Variants in FBXO34 observed in about 807,000 individuals in gnomAD.
The protein encoded by FBXO34 is F-box protein 34.
In FBXO34, 12 loss-of-function variants were observed where a neutral mutation model predicts 24.5. The ratio of observed to expected loss-of-function variants is 0.49; its 90% CI spans 0.31 to 0.79. FBXO34 has a LOEUF of 0.79. Among genes scored for constraint, FBXO34 ranks in the 30% least tolerant of loss-of-function variants. The pLI is 0.04. For missense variants in FBXO34, 823 were observed against 857.7 expected, an observed-to-expected ratio of 0.96 and a Z score of 0.51; for synonymous variants, 320 against 311.9, an observed-to-expected ratio of 1.03 and a Z score of -0.27.
the FBXO34 span, among the ~76,000 whole-genome samples, chr14:55,388,141 C>T: frequency 1.3e-5 from 2 of 152,068 alleles, no homozygotes; most frequent in Non-Finnish European, 2.9e-5. Flanking sequence ...CATCTCAAAA[C>T]CAACAACAAC....
the FBXO34 span, among the ~76,000 whole-genome samples, chr14:55,432,040 C>A: frequency 6.6e-6 from 1 of 151,844 alleles, no homozygotes; most frequent in Non-Finnish European, 1.5e-5. Flanking sequence ...GCCTTAAGGG[C>A]AAAGCCAAAT....
At chr14:55,324,954 C>T (rs547940784) in intron 1 of FBXO34, among the ~76,000 whole-genome samples, 118 of 152,296 alleles carry the variant, frequency 7.7e-4, no homozygotes, top group African/African-American at 2.7e-3. Flanking sequence ...CTTAGATGAT[C>T]ATCTCCGAAA....
rs559712085 is a variant in FBXO34, at chr14:55,278,532, C to A, written c.-11+6995C>A. On this transcript the variant is annotated intron_variant, in intron 1 of 1. Transcript: ENST00000313833. ...TCCTTTATTTAATGAGCTCAGCTTC[C>A]GTGGTTTTGGTCCCTTTGTGTTCAC... Among the ~76,000 whole-genome samples, 2 of 152,230 alleles carry A rather than the reference C, an allele frequency of 1.3e-5. 1 individual carries two copies. The highest frequency in any genetic ancestry group is 4.8e-5 in the African/African-American group (2 of 41,518).
chr14:55,278,793 C>G (rs1249203568), intron 1 of FBXO34, among the ~76,000 whole-genome samples: 2 of 152,124 alleles, frequency 1.3e-5, no homozygotes, highest in African/African-American at 4.8e-5. Context: ...CTCAAGTGAT[C>G]TTCTCACCTC....
chr14:55,277,630 G>A (rs1447489782), intron 1 of FBXO34, among the ~76,000 whole-genome samples: 2 of 152,172 alleles, frequency 1.3e-5, no homozygotes, highest in Admixed American at 1.3e-4. Flanking sequence ...TAACTGGCAT[G>A]TACCACGGGC....
intron 1 of FBXO34, among the ~76,000 whole-genome samples, chr14:55,311,927 G>A (rs978600159): frequency 6.6e-5 from 10 of 152,058 alleles, no homozygotes; most frequent in Admixed American, 1.3e-4. Context: ...CTGGCCAGGT[G>A]CAGTGGCTCA....
chr14:55,403,370 A>C, the FBXO34 span, among the ~76,000 whole-genome samples: 5 of 152,176 alleles, frequency 3.3e-5, no homozygotes, highest in African/African-American at 1.2e-4. Context: ...AACCAGGATA[A>C]GGCAGTTCTA....
chr14:55,360,946 C>T (rs902633070), intron 3 of FBXO34, among the ~76,000 whole-genome samples: 9 of 151,740 alleles, frequency 5.9e-5, no homozygotes, highest in East Asian at 1.9e-4. Context: ...TGCGGTGAGC[C>T]GAGATCACGC....
chr14:55,319,654 T>C (rs192574861), intron 1 of FBXO34, among the ~76,000 whole-genome samples: 92 of 152,292 alleles, frequency 6.0e-4, no homozygotes, highest in Admixed American at 1.7e-3. Flanking sequence ...ACATTCTATA[T>C]AGTGTGTGAA....
chr14:55,358,302 C>A, downstream of FBXO34, among the ~76,000 whole-genome samples: 1 of 152,168 alleles, frequency 6.6e-6, no homozygotes, highest in East Asian at 1.9e-4. Context: ...CATGCAGGGT[C>A]TTGAAAGGAA....
downstream of FBXO34, among the ~76,000 whole-genome samples, chr14:55,371,030 C>T (rs1425720637): frequency 6.6e-6 from 1 of 152,130 alleles, no homozygotes; most frequent in Admixed American, 6.6e-5. Context: ...TGTAGGCAGC[C>T]ACCCCCACCC....
the FBXO34 span, chr14:55,411,590 C>T: frequency 1.9e-6 from 3 of 1,596,268 alleles, 1 homozygote; most frequent in South Asian, 3.4e-5. Flanking sequence ...AGGGCCGTGG[C>T]GGCCGCCGTA....
the FBXO34 span, among the ~76,000 whole-genome samples, chr14:55,426,102 A>G: frequency 6.6e-6 from 1 of 152,050 alleles, no homozygotes; most frequent in Non-Finnish European, 1.5e-5. Flanking sequence ...CCTCGTCTCT[A>G]CTAAAAATAC....
chr14:55,411,943 C>A, the FBXO34 span: 1 of 894,592 alleles, frequency 1.1e-6, no homozygotes. Context: ...GACCCCTCCG[C>A]CGCCGCGTGT....
At chr14:55,370,949 G>A (rs1365024494), downstream of FBXO34, among the ~76,000 whole-genome samples, 3 of 152,050 alleles carry the variant, frequency 2.0e-5, no homozygotes, top group South Asian at 4.1e-4. Flanking sequence ...CCGCCTTTCT[G>A]CTTCTTTTTC....
At chr14:55,374,452 CTGTT>C (rs1246155974), downstream of FBXO34, among the ~76,000 whole-genome samples, 1 of 152,144 alleles carries the variant, frequency 6.6e-6, no homozygotes, top group Non-Finnish European at 1.5e-5. Flanking sequence ...AATCTGTTGT[CTGTT>C]ATAGAGGTTG....
intron 1 of FBXO34, among the ~76,000 whole-genome samples, chr14:55,308,122 A>G (rs1476936658): frequency 3.3e-5 from 5 of 152,208 alleles, no homozygotes; most frequent in Admixed American, 2.6e-4. Flanking sequence ...TTCACCTGCT[A>G]TGATTGTGAT....
chr14:55,383,360 G>A, the FBXO34 span, among the ~76,000 whole-genome samples: 1 of 152,100 alleles, frequency 6.6e-6, no homozygotes, highest in South Asian at 2.1e-4. Flanking sequence ...AGATCAGCCT[G>A]GCCAACATGG....
intron 1 of FBXO34, among the ~76,000 whole-genome samples, chr14:55,319,516 A>G (rs959454233): frequency 3.3e-5 from 5 of 152,102 alleles, no homozygotes; most frequent in East Asian, 1.9e-4. Flanking sequence ...ATGACTCTGT[A>G]TGGGTTAATG....
Sources: allele counts gnomAD v4.1 joint callset (sites outside exome capture counted in the v4.1 genomes callset), GRCh38; gene constraint gnomAD v4.1.1; transcripts MANE v1.5; gene names NCBI Gene and HGNC (gene_info 2026-07-23, HGNC 2026-07-21).